TTC7B: variants seen among roughly 807,000 people sequenced by gnomAD.
TTC7B encodes the protein tetratricopeptide repeat protein 7B.
Under a neutral mutation model 106.8 loss-of-function variants are expected in TTC7B, and 28 were observed. That is an observed-to-expected ratio of 0.26 (90% confidence interval 0.19 to 0.36). The LOEUF (loss-of-function observed/expected upper bound fraction) is 0.36. Among genes scored for constraint, TTC7B ranks in the 10% least tolerant of loss-of-function variants. The probability of loss-of-function intolerance (pLI) is 1.00; values close to 1 mark genes in which losing one functional copy is unlikely to be tolerated. For synonymous variants in TTC7B, 405 were observed against 430.6 expected, an observed-to-expected ratio of 0.94 and a Z score of 0.74; for missense variants, 862 against 1,076.4, an observed-to-expected ratio of 0.80 and a Z score of 2.79.
Position 90,576,675 on chromosome 14 carries a change from G to A in TTC7B, c.2310+1431C>T, listed in dbSNP as rs530886174. Among the ~76,000 whole-genome samples, 7 of 152,228 alleles carry A rather than the reference G, an allele frequency of 4.6e-5. No homozygotes were observed. The South Asian group carries it at 1.2e-3, about 27-fold the overall frequency. ...CAAGTCCGAGCTTCCCCAGGAGTCA[G>A]GACCAGGGCTTAGTTCGAGTGCAGA... On this transcript the variant is annotated intron_variant, in intron 19 of 19. Coordinates refer to ENST00000328459, the MANE Select transcript of TTC7B (RefSeq NM_001010854.2).
chr14:90,559,957 C>A (rs1455836520), intron 19 of TTC7B, among the ~76,000 whole-genome samples: 1 of 152,244 alleles, frequency 6.6e-6, no homozygotes, highest in African/African-American at 2.4e-5. Context: ...CCATCCTGGG[C>A]AATTCCAGGG....
chr14:90,816,117 C>G, intron 1 of TTC7B, 58 bp downstream of exon 1: 1 of 1,001,058 alleles, frequency 1.0e-6, no homozygotes, highest in Non-Finnish European at 1.2e-6. Flanking sequence ...CTCGGGGGCC[C>G]GTTCCCGCGG....
At chr14:90,721,145 C>T (rs1234527392) in intron 5 of TTC7B, among the ~76,000 whole-genome samples, 2 of 152,046 alleles carry the variant, frequency 1.3e-5, no homozygotes, top group Non-Finnish European at 1.5e-5. Context: ...CAATTAAATG[C>T]CAATCACTAA....
chr14:90,813,223 A>G (rs1161347852), intron 1 of TTC7B, among the ~76,000 whole-genome samples: 2 of 151,958 alleles, frequency 1.3e-5, no homozygotes, highest in African/African-American at 4.8e-5. Flanking sequence ...CTCCCAGCCC[A>G]CTCCAAAGCA....
At chr14:90,760,241 A>C (rs1335405995) in intron 3 of TTC7B, among the ~76,000 whole-genome samples, 4 of 152,086 alleles carry the variant, frequency 2.6e-5, no homozygotes, top group Non-Finnish European at 5.9e-5. Context: ...TTGGCCTGGC[A>C]GGGGTGAGGG....
At chr14:90,586,001 T>A (rs61987006) in intron 18 of TTC7B, among the ~76,000 whole-genome samples, 12,117 of 152,298 alleles carry the variant, frequency 0.08, 569 homozygotes, top group Middle Eastern at 0.11. Context: ...TTAGTAGTTG[T>A]TATGTGTTTG....
chr14:90,687,958 C>T (rs1849474899), intron 7 of TTC7B, among the ~76,000 whole-genome samples: 1 of 152,242 alleles, frequency 6.6e-6, no homozygotes, highest in South Asian at 2.1e-4. Context: ...GAAATGCCGA[C>T]TCCTCTGAAA....
chr14:90,653,511 C>T (rs1167849071), intron 12 of TTC7B, among the ~76,000 whole-genome samples: 2 of 152,210 alleles, frequency 1.3e-5, no homozygotes, highest in African/African-American at 4.8e-5. Flanking sequence ...GAGGCCACCT[C>T]GCTGTGAATC....
At chr14:90,699,235 C>A (rs1446004029) in intron 5 of TTC7B, 2 of 455,426 alleles carry the variant, frequency 4.4e-6, no homozygotes, top group East Asian at 1.4e-4. Flanking sequence ...TGTGATCAAA[C>A]CAAGGAGGAA....
At chr14:90,603,902 T>G (rs1257348194) in intron 17 of TTC7B, among the ~76,000 whole-genome samples, 1 of 152,222 alleles carries the variant, frequency 6.6e-6, no homozygotes, top group Non-Finnish European at 1.5e-5. Context: ...TTGAAACACC[T>G]GGTTACTGGC....
chr14:90,747,395 G>C (rs1362229609), intron 3 of TTC7B, among the ~76,000 whole-genome samples: 1 of 152,178 alleles, frequency 6.6e-6, no homozygotes, highest in African/African-American at 2.4e-5. Flanking sequence ...TCCATTTGCT[G>C]TAATAAACTG....
intron 15 of TTC7B, among the ~76,000 whole-genome samples, chr14:90,618,789 T>C (rs1264171921): frequency 6.6e-6 from 1 of 152,264 alleles, no homozygotes; most frequent in Non-Finnish European, 1.5e-5. Context: ...TCCTGGCCCC[T>C]GGACTTGTCA....
chr14:90,714,999 G>GCCCTAGTGAGTCAGTTT (rs2139971611), intron 5 of TTC7B, among the ~76,000 whole-genome samples: 1 of 152,194 alleles, frequency 6.6e-6, no homozygotes, highest in Non-Finnish European at 1.5e-5. Context: ...CCAGAACAGA[G>GCCCTAGTGAGTCAGTTT]CCCTAGTGAG....
chr14:90,643,609 G>C (rs1055771954), intron 15 of TTC7B, among the ~76,000 whole-genome samples: 1 of 151,944 alleles, frequency 6.6e-6, no homozygotes, highest in African/African-American at 2.4e-5. Flanking sequence ...ACGGAATCTC[G>C]CTCTGTCGCC....
intron 6 of TTC7B, among the ~76,000 whole-genome samples, chr14:90,695,107 AT>A (rs1401948257): frequency 5.4e-5 from 6 of 111,402 alleles, no homozygotes; most frequent in Non-Finnish European, 7.5e-5. Context: ...ATTTTATTTT[AT>A]TATAAAATAG....
intron 3 of TTC7B, among the ~76,000 whole-genome samples, chr14:90,776,319 C>T (rs1190760452): frequency 6.6e-6 from 1 of 152,134 alleles, no homozygotes; most frequent in African/African-American, 2.4e-5. Flanking sequence ...TCAGCAGCTT[C>T]CCAACTAGTT....
At chr14:90,569,810 C>A (rs1384033251) in intron 19 of TTC7B, 3 of 152,374 alleles carry the variant, frequency 2.0e-5, no homozygotes, top group Non-Finnish European at 4.4e-5. Flanking sequence ...CCCCCTGAGC[C>A]TCTCTCAGCT....
In TTC7B at chr14:90,582,460, G is replaced by A. The variant is rs554988176; in HGVS notation, c.2108-4152C>T. Among the ~76,000 whole-genome samples, 9 of 152,370 alleles carry A rather than the reference G, an allele frequency of 5.9e-5. No homozygotes were observed. In the South Asian group the frequency reaches 6.2e-4, roughly 11 times the overall value. ...GAGTGGCAGGGATCAAGACAAGGCCGTGCCAAGGGATCAACCCTAGGCTGA... is the reference window on the plus strand; with the variant it reads ...GAGTGGCAGGGATCAAGACAAGGCCATGCCAAGGGATCAACCCTAGGCTGA... On this transcript the variant is annotated intron_variant, in intron 18 of 19. Transcript: ENST00000328459.
chr14:90,725,989 C>T (rs957856030), intron 5 of TTC7B, among the ~76,000 whole-genome samples: 2 of 152,216 alleles, frequency 1.3e-5, no homozygotes, highest in African/African-American at 4.8e-5. Context: ...GCCTATAATC[C>T]CAACACTTTG....
Sources: gnomAD v4.1 joint callset for allele counts (sites outside exome capture counted in the v4.1 genomes callset) on GRCh38, gnomAD v4.1.1 for gene constraint, MANE v1.5 for transcripts, NCBI Gene and HGNC (gene_info 2026-07-23, HGNC 2026-07-21) for gene names.